CHST3: variants seen among roughly 807,000 people sequenced by gnomAD.
The protein encoded by CHST3 is carbohydrate sulfotransferase 3.
CHST3 carries 20 observed loss-of-function variants against 35.4 expected under a neutral mutation model. The observed-to-expected ratio is 0.57, with a 90% confidence interval of 0.40 to 0.82. The LOEUF (loss-of-function observed/expected upper bound fraction) is 0.82. CHST3 is among the 40% of genes least tolerant of loss of function. The probability of loss-of-function intolerance (pLI) is 0.00; values close to 1 mark genes in which losing one functional copy is unlikely to be tolerated. For synonymous variants in CHST3, 334 were observed against 295.9 expected, an observed-to-expected ratio of 1.13 and a Z score of -1.32; for missense variants, 693 against 670.1, an observed-to-expected ratio of 1.03 and a Z score of -0.38.
chr10:71,976,423 A>G (rs1839746487), intron 1 of CHST3, among the ~76,000 whole-genome samples: 1 of 152,062 alleles, frequency 6.6e-6, no homozygotes, highest in African/African-American at 2.4e-5. Flanking sequence ...CCCAAGCCTC[A>G]GTTCTGTGTA....
At chr10:71,973,623 C>T (rs893828980) in intron 1 of CHST3, among the ~76,000 whole-genome samples, 26 of 152,186 alleles carry the variant, frequency 1.7e-4, no homozygotes, top group Admixed American at 6.5e-5. Context: ...CCAGGTCCTG[C>T]GCGCCTATGC....
chr10:72,002,801 A>G (rs1316903819), intron 1 of CHST3, among the ~76,000 whole-genome samples: 1 of 152,200 alleles, frequency 6.6e-6, no homozygotes, highest in Non-Finnish European at 1.5e-5. Context: ...ACGTAGCCCC[A>G]CTGGCCATTC....
In CHST3 at chr10:72,009,674, C is replaced by T. The variant is rs937102794; in HGVS notation, c.*1203C>T. ...GCCCCCCCTCCCCTGAGAAGCCCGC[C>T]TTCTCCCTCGTGGACAGGAGTCAGC... On this transcript the variant is annotated 3_prime_UTR_variant, in exon 3 of 3. Transcript: ENST00000373115. The T allele has an allele frequency of 2.4e-4, 37 of 152,478 alleles. No individual in the cohort carries two copies. The highest frequency in any genetic ancestry group is 8.9e-4 in the African/African-American group (37 of 41,444). 9.4% of individuals were successfully genotyped at this position (152,478 alleles called of 1,614,324 possible). A position where few individuals can be genotyped will look rare whatever the true frequency, so the allele number is the denominator to read the frequency against.
At chr10:71,998,229 A>G (rs1198722142) in intron 1 of CHST3, among the ~76,000 whole-genome samples, 1 of 152,248 alleles carries the variant, frequency 6.6e-6, no homozygotes, top group Non-Finnish European at 1.5e-5. Flanking sequence ...TGCCCCCTGC[A>G]TGGCTTGCTT....
chr10:71,964,448 C>CT lies in CHST3; in HGVS notation c.-353dup. 6.6e-6 allele frequency: 1 copy of CT among 152,220 alleles called. No homozygotes were observed. Among genetic ancestry groups the CT allele is most frequent in the African/African-American group, 2.4e-5 (1 of 41,448 alleles). 9.4% of individuals were successfully genotyped at this position (152,220 alleles called of 1,614,324 possible). ...GGCGCCAGGCAGGACCTCTCGCAGG[C>CT]TCGCTGCGCAGGACGGCGCCCGCCT... is the stretch of plus-strand genomic sequence containing the variant. On this transcript the variant is annotated 5_prime_UTR_variant, in exon 1 of 3. Transcript: ENST00000373115.
At chr10:71,983,131 C>T (rs1839816933) in intron 1 of CHST3, among the ~76,000 whole-genome samples, 1 of 152,198 alleles carries the variant, frequency 6.6e-6, no homozygotes, top group Non-Finnish European at 1.5e-5. Flanking sequence ...CAGGTTGTCC[C>T]CAGGTGGAAG....
intron 1 of CHST3, among the ~76,000 whole-genome samples, chr10:71,989,658 G>A (rs1839879752): frequency 1.3e-5 from 2 of 152,100 alleles, no homozygotes; most frequent in South Asian, 4.1e-4. Context: ...CTCTTATATT[G>A]ATATTTTAGT....
At chr10:71,977,870 A>G (rs1253959093) in intron 1 of CHST3, among the ~76,000 whole-genome samples, 1 of 152,020 alleles carries the variant, frequency 6.6e-6, no homozygotes, top group Non-Finnish European at 1.5e-5. Context: ...GGGTTTCATC[A>G]TGTTGGCCAG....
intron 1 of CHST3, among the ~76,000 whole-genome samples, chr10:71,994,068 C>T (rs1402019140): frequency 3.3e-5 from 5 of 152,048 alleles, no homozygotes; most frequent in African/African-American, 1.2e-4. Context: ...CCACTATACT[C>T]CAGCCTGGGT....
chr10:71,998,729 A>C (rs1299485492), intron 1 of CHST3, among the ~76,000 whole-genome samples: 1 of 152,142 alleles, frequency 6.6e-6, no homozygotes, highest in Non-Finnish European at 1.5e-5. Context: ...GTGGACATCC[A>C]CTGACACTCA....
chr10:71,968,220 T>A (rs1839651701), intron 1 of CHST3, among the ~76,000 whole-genome samples: 1 of 152,190 alleles, frequency 6.6e-6, no homozygotes, highest in Non-Finnish European at 1.5e-5. Flanking sequence ...TGGTTTTGAT[T>A]TGCATTTTTC....
Position 72,007,981 on chromosome 10 carries a change from A to G in CHST3, c.950A>G (p.Lys317Arg), listed in dbSNP as rs1172801898. The G allele has an allele frequency of 1.3e-5, 20 of 1,549,348 alleles. No homozygotes were observed. The highest frequency in any genetic ancestry group is 1.6e-5 in the Non-Finnish European group (18 of 1,146,488). ...LASRMVAFAG[K>R]YKTWKKWLDD... ...TCGCGCATGGTGGCCTTCGCCGGCA[A>G]GTATAAGACCTGGAAGAAGTGGCTG... is the stretch of plus-strand genomic sequence containing the variant. Residue 317 changes from lysine to arginine, a missense_variant, in exon 3 of 3, where the codon AAG becomes AGG. Coordinates refer to ENST00000373115, the MANE Select transcript of CHST3 (RefSeq NM_004273.5).
At chr10:71,966,484 G>T (rs1336458642) in intron 1 of CHST3, among the ~76,000 whole-genome samples, 1 of 152,202 alleles carries the variant, frequency 6.6e-6, no homozygotes, top group Non-Finnish European at 1.5e-5. Flanking sequence ...TCATCCAAAA[G>T]AAATGTGTCA....
chr10:72,007,224 A>G lies in CHST3; in HGVS notation c.193A>G (p.Thr65Ala). Residue 65 changes from threonine (T) to alanine (A), a missense_variant, in exon 3 of 3, where the codon ACC becomes GCC. Thr to Ala is a moderately conservative substitution (Grantham distance 58). Coordinates refer to ENST00000373115, the MANE Select transcript of CHST3 (RefSeq NM_004273.5). ...CCAAGCTCTAGCAGATGCCAACAGC[A>G]CCGACCCAGCCCTGATCTTAGCTGA... ...IPQALADANSTDPALILAENA... is the reference protein window; with the variant it reads ...IPQALADANSADPALILAENA... 1.2e-6 allele frequency: 2 copies of G among 1,614,186 alleles called. No individual in the cohort carries two copies. The highest frequency in any genetic ancestry group is 1.7e-6 in the Non-Finnish European group (2 of 1,180,036).
intron 2 of CHST3, among the ~76,000 whole-genome samples, 154 bp downstream of exon 2, chr10:72,006,136 C>T (rs1430268650): frequency 6.6e-6 from 1 of 152,170 alleles, no homozygotes; most frequent in Admixed American, 6.5e-5. Context: ...GGCTCCTGCA[C>T]ACGTCCTCAT....
chr10:71,983,021 C>T lies in CHST3; in HGVS notation c.-108+18327C>T, dbSNP rs935818880. ...ATGGGTTCAATCTCAGCTCTGTCAT[C>T]TTCTGTCTGTGTGTCCTGTGCTGCT... On this transcript the variant is annotated intron_variant, in intron 1 of 2. Coordinates refer to ENST00000373115, the MANE Select transcript of CHST3 (RefSeq NM_004273.5). Among the ~76,000 whole-genome samples the T allele has an allele frequency of 3.9e-5, 6 of 152,330 alleles. No individual in the cohort carries two copies. In the South Asian group the frequency reaches 1.2e-3, roughly 32 times the overall value.
At chr10:71,977,448 ATTTTTT>A (rs10554998) in intron 1 of CHST3, among the ~76,000 whole-genome samples, 2 of 128,980 alleles carry the variant, frequency 1.6e-5, no homozygotes, top group African/African-American at 3.0e-5. Flanking sequence ...CCTAAGCTCG[ATTTTTT>A]TTTTTTTTTT....
intron 1 of CHST3, among the ~76,000 whole-genome samples, chr10:71,985,022 G>A (rs918485369): frequency 2.0e-5 from 3 of 152,164 alleles, no homozygotes; most frequent in African/African-American, 2.4e-5. Context: ...CCTTCCTGCC[G>A]CAGAATTGCC....
intron 1 of CHST3, among the ~76,000 whole-genome samples, chr10:72,004,798 G>A (rs910688725): frequency 3.3e-5 from 5 of 152,154 alleles, no homozygotes; most frequent in African/African-American, 1.2e-4. Flanking sequence ...CACCCCAGGA[G>A]ACACTTAGCA....
Sources: gnomAD v4.1 joint callset for allele counts (sites outside exome capture counted in the v4.1 genomes callset) on GRCh38, gnomAD v4.1.1 for gene constraint, MANE v1.5 for transcripts, NCBI Gene and HGNC (gene_info 2026-07-23, HGNC 2026-07-21) for gene names.